Variants in COPS4 observed in about 807,000 individuals in gnomAD.
COPS4 encodes COP9 signalosome complex subunit 4.
COPS4 carries 8 observed loss-of-function variants against 55.1 expected under a neutral mutation model. That is an observed-to-expected ratio of 0.15 (90% CI 0.09 to 0.26). The LOEUF (loss-of-function observed/expected upper bound fraction) is 0.26. COPS4 is among the 10% of genes least tolerant of loss of function. The probability of loss-of-function intolerance (pLI) is 1.00; values close to 1 mark genes in which losing one functional copy is unlikely to be tolerated. For missense variants in COPS4, 248 were observed against 484.0 expected, an observed-to-expected ratio of 0.51 and a Z score of 4.58; for synonymous variants, 185 against 165.7, an observed-to-expected ratio of 1.12 and a Z score of -0.90.
intron 3 of COPS4, 108 bp from the exon 4 acceptor site, chr4:83,049,773 G>T: frequency 1.5e-6 from 1 of 671,410 alleles, no homozygotes. Context: ...TACTGTTTAC[G>T]TGGCAGCTTA....
At chr4:83,043,518 C>CAAAAAAAAAAA (rs34480105) in intron 1 of COPS4, among the ~76,000 whole-genome samples, 2 of 17,672 alleles carry the variant, frequency 1.1e-4, no homozygotes, top group Non-Finnish European at 2.4e-4. Flanking sequence ...GACCCTGTCT[C>CAAAAAAAAAAA]AAAAAAAAAA....
In COPS4 at chr4:83,040,298, A is replaced by G. The variant is rs981623698; in HGVS notation, c.74+5000A>G. 5.9e-5 allele frequency among the ~76,000 whole-genome samples: 9 copies of G among 152,210 alleles called. No individual in the cohort carries two copies. In the South Asian group the frequency reaches 8.3e-4, roughly 14 times the overall value. On this transcript the variant is annotated intron_variant, in intron 1 of 9. Transcript: ENST00000264389. ...GCATAATTGTATCATGCTCTTTCTG[A>G]TAACTCCAGTCAGTATTTGACGTTT...
intron 2 of COPS4, 55 bp from the exon 3 acceptor site, chr4:83,049,111 T>A: frequency 4.0e-6 from 6 of 1,515,528 alleles, no homozygotes; most frequent in Non-Finnish European, 5.4e-6. Context: ...GGTTGATTGT[T>A]TAATGACAAT....
chr4:83,070,397 T>C (rs537011015), intron 9 of COPS4, among the ~76,000 whole-genome samples: 29 of 152,358 alleles, frequency 1.9e-4, no homozygotes, highest in African/African-American at 6.7e-4. Flanking sequence ...TCTACCTGAT[T>C]GCTTCATGGG....
chr4:83,065,303 AG>A (rs1180668348), intron 7 of COPS4: 19 of 408,200 alleles, frequency 4.7e-5, no homozygotes, highest in African/African-American at 3.7e-4. Context: ...GATCATTATC[AG>A]CATTTTGATG....
intron 9 of COPS4, among the ~76,000 whole-genome samples, chr4:83,072,002 T>C (rs1171706462): frequency 6.6e-6 from 1 of 151,640 alleles, no homozygotes; most frequent in African/African-American, 2.4e-5. Flanking sequence ...GAGCTACCGC[T>C]CCTGGCTGCC....
At chr4:83,043,506 G>A in intron 1 of COPS4, among the ~76,000 whole-genome samples, 1 of 109,992 alleles carries the variant, frequency 9.1e-6, no homozygotes, top group African/African-American at 3.7e-5. Context: ...GCGACAGAGT[G>A]AGACCCTGTC....
chr4:83,067,175 T>G (rs2126134269), intron 8 of COPS4, among the ~76,000 whole-genome samples: 1 of 151,944 alleles, frequency 6.6e-6, no homozygotes, highest in East Asian at 1.9e-4. Flanking sequence ...TCAAGCAATC[T>G]TCCTGTCTCA....
At chr4:83,052,285 G>A (rs1004045656) in intron 4 of COPS4, among the ~76,000 whole-genome samples, 19 of 152,098 alleles carry the variant, frequency 1.2e-4, no homozygotes, top group African/African-American at 4.3e-4. Context: ...TTGATATAGG[G>A]GAATTGGGGA....
intron 1 of COPS4, among the ~76,000 whole-genome samples, chr4:83,040,622 T>C (rs1214325676): frequency 1.3e-5 from 2 of 152,228 alleles, no homozygotes; most frequent in African/African-American, 4.8e-5. Context: ...CCACTCTACC[T>C]CTCAGCCATC....
chr4:83,038,681 G>A (rs924696882), intron 1 of COPS4, among the ~76,000 whole-genome samples: 7 of 151,954 alleles, frequency 4.6e-5, no homozygotes, highest in Admixed American at 4.6e-4. Context: ...CACTCTTGTT[G>A]CCTAGGCTGG....
At chr4:83,053,096 C>T (rs946554823) in intron 4 of COPS4, among the ~76,000 whole-genome samples, 2 of 152,198 alleles carry the variant, frequency 1.3e-5, no homozygotes, top group African/African-American at 4.8e-5. Context: ...ATACTGGGCA[C>T]AGTGGCTTCA....
At position 83,058,052 on chromosome 4, in the gene COPS4, ATAAT is replaced by A. The variant is rs368819658; in HGVS notation, c.715+649_715+652del. On this transcript the variant is annotated intron_variant, in intron 6 of 9. Coordinates refer to ENST00000264389, the MANE Select transcript of COPS4 (RefSeq NM_016129.3). ...TTAAAATCTATAGATTGATGAAATG[ATAAT>A]TAATGCACTGCTTTTGGGTTTTTTT... Among the ~76,000 whole-genome samples the A allele has an allele frequency of 6.2e-3, 941 of 151,514 alleles. 5 individuals carry two copies. The highest frequency in any genetic ancestry group is 0.021 in the African/African-American group (880 of 41,400).
intron 6 of COPS4, among the ~76,000 whole-genome samples, chr4:83,060,719 A>G (rs989307891): frequency 1.3e-5 from 2 of 151,912 alleles, no homozygotes; most frequent in African/African-American, 4.8e-5. Context: ...TCTTTAACAT[A>G]ATAAGTTAGC....
chr4:83,057,452 C>T, intron 6 of COPS4, 44 bp downstream of exon 6: 1 of 1,477,966 alleles, frequency 6.8e-7, no homozygotes, highest in Non-Finnish European at 9.0e-7. Context: ...GTTATCTTTG[C>T]TTAATAACTT....
intron 7 of COPS4, among the ~76,000 whole-genome samples, chr4:83,065,419 T>C (rs182825921): frequency 9.9e-5 from 15 of 152,194 alleles, no homozygotes; most frequent in Admixed American, 9.2e-4. Flanking sequence ...GACTGGGAGA[T>C]AGGAGTTAAG....
At chr4:83,047,756 T>G (rs969119278) in intron 2 of COPS4, among the ~76,000 whole-genome samples, 5 of 152,182 alleles carry the variant, frequency 3.3e-5, no homozygotes, top group Non-Finnish European at 7.3e-5. Context: ...GTCCCAGCAC[T>G]TTGGGAGACC....
rs187436375 is a variant in COPS4 at position 83,054,534 on chromosome 4, C to T, written c.411-2392C>T. On this transcript the variant is annotated intron_variant, in intron 4 of 9. Transcript: ENST00000264389. The stretch of plus-strand genomic sequence containing the variant: ...TTGGCAATGATGCTCCTTGAAAAAG[C>T]GGCCAGTTTGTAAAAAAGCCTTCAT... Among the ~76,000 whole-genome samples, 17 of 152,224 alleles carry T rather than the reference C, an allele frequency of 1.1e-4. No homozygotes were observed. The East Asian group carries it at 1.5e-3, about 14-fold the overall frequency.
chr4:83,053,698 G>T (rs912550226), intron 4 of COPS4, among the ~76,000 whole-genome samples: 1 of 151,802 alleles, frequency 6.6e-6, no homozygotes, highest in African/African-American at 2.4e-5. Context: ...AAAATTAGCC[G>T]GTGTGGTCTC....
Sources: allele counts gnomAD v4.1 joint callset (sites outside exome capture counted in the v4.1 genomes callset), GRCh38; gene constraint gnomAD v4.1.1; transcripts MANE v1.5; gene names NCBI Gene and HGNC (gene_info 2026-07-23, HGNC 2026-07-21).